The following JAK1 variants were observed in gnomAD, a reference collection of about 807,000 sequenced individuals.
JAK1 encodes the protein tyrosine-protein kinase JAK1.
In JAK1, 16 loss-of-function variants were observed where a neutral mutation model predicts 136.6. The ratio of observed to expected loss-of-function variants is 0.12; its 90% confidence interval spans 0.08 to 0.18. The LOEUF is 0.18. Ranked by LOEUF, JAK1 falls within the 10% of genes least tolerant of loss-of-function variation. The pLI is 1.00. For missense variants in JAK1, 859 were observed against 1,450.1 expected, an observed-to-expected ratio of 0.59 and a Z score of 6.62; for synonymous variants, 492 against 519.5, an observed-to-expected ratio of 0.95 and a Z score of 0.72.
At position 64,854,376 on chromosome 1, in the gene JAK1, T is replaced by C. The variant is rs999671490; in HGVS notation, c.1648+1133A>G. Reference sequence around the variant, plus strand: ...TGCTGCTCCTTCTTTGAGGCCTTCCTCCTTCTAAGGGAAGAACCTGACGCA... The same window carrying C: ...TGCTGCTCCTTCTTTGAGGCCTTCCCCCTTCTAAGGGAAGAACCTGACGCA... On this transcript the variant is annotated intron_variant, in intron 11 of 24. Coordinates refer to ENST00000342505, the MANE Select transcript of JAK1 (RefSeq NM_002227.4). Among the ~76,000 whole-genome samples, 8 of 152,160 alleles carry C rather than the reference T, an allele frequency of 5.3e-5. No individual in the cohort carries two copies. In the East Asian group the frequency reaches 5.8e-4, roughly 11 times the overall value.
intron 7 of JAK1, among the ~76,000 whole-genome samples, chr1:64,865,535 G>A (rs761880878): frequency 4.6e-5 from 7 of 152,142 alleles, no homozygotes; most frequent in Non-Finnish European, 1.0e-4. Flanking sequence ...AGAGATCTAG[G>A]TTAAGTTCCT....
chr1:65,008,341 T>C (rs1646820506), intron 2 of JAK1, among the ~76,000 whole-genome samples: 1 of 152,252 alleles, frequency 6.6e-6, no homozygotes, highest in Non-Finnish European at 1.5e-5. Flanking sequence ...ATGGAATTTA[T>C]GCAAAAGTAC....
At chr1:64,891,211 C>T (rs369584776) in intron 1 of JAK1, among the ~76,000 whole-genome samples, 1 of 152,044 alleles carries the variant, frequency 6.6e-6, no homozygotes, top group Non-Finnish European at 1.5e-5. Flanking sequence ...GCACTTAATT[C>T]TCATAAAAAG....
intron 1 of JAK1, among the ~76,000 whole-genome samples, chr1:65,051,995 A>T (rs1647297997): frequency 1.3e-5 from 2 of 152,070 alleles, no homozygotes; most frequent in South Asian, 4.1e-4. Flanking sequence ...TCTGGCTGTT[A>T]CCCAGGCTGG....
At position 64,864,986 on chromosome 1, in the gene JAK1, T is replaced by C; in HGVS notation, c.991-14A>G. On this transcript the variant is annotated splice_polypyrimidine_tract_variant and intron_variant, in intron 7 of 24. Coordinates refer to ENST00000342505, the MANE Select transcript of JAK1 (RefSeq NM_002227.4). ...AACAGAAACAACCTGATAAGATACA[T>C]AAAAGGGACAGGGTTAAGTTGCTTT... The C allele has an allele frequency of 6.2e-7, 1 of 1,601,206 alleles. No homozygotes were observed. Among genetic ancestry groups the C allele is most frequent in the Non-Finnish European group, 8.5e-7 (1 of 1,170,954 alleles).
At chr1:65,039,600 C>T (rs1647111192) in intron 2 of JAK1, among the ~76,000 whole-genome samples, 1 of 152,282 alleles carries the variant, frequency 6.6e-6, no homozygotes, top group Admixed American at 6.5e-5. Context: ...TCTACTATGG[C>T]TTCTCTCAAA....
chr1:64,852,068 C>T (rs1017042920), intron 11 of JAK1, among the ~76,000 whole-genome samples: 14 of 152,238 alleles, frequency 9.2e-5, no homozygotes, highest in Non-Finnish European at 1.9e-4. Flanking sequence ...CTAATCCCTG[C>T]TATCCCTCAG....
chr1:64,912,919 C>T (rs1645309147), intron 1 of JAK1, among the ~76,000 whole-genome samples: 2 of 152,156 alleles, frequency 1.3e-5, no homozygotes, highest in South Asian at 2.1e-4. Context: ...CAACCTCATA[C>T]CCCAAATATT....
chr1:65,007,823 G>A (rs1305673361), intron 2 of JAK1, among the ~76,000 whole-genome samples: 1 of 151,450 alleles, frequency 6.6e-6, no homozygotes, highest in Non-Finnish European at 1.5e-5. Context: ...TTGGCTCACT[G>A]CAACCTCCAC....
At chr1:65,060,264 T>C (rs565305631) in intron 1 of JAK1, among the ~76,000 whole-genome samples, 1 of 152,292 alleles carries the variant, frequency 6.6e-6, no homozygotes, top group Non-Finnish European at 1.5e-5. Context: ...AAATTTTAGA[T>C]AGCTGTTCCA....
chr1:65,007,331 A>T (rs530891), intron 2 of JAK1, among the ~76,000 whole-genome samples: 2 of 152,132 alleles, frequency 1.3e-5, no homozygotes, highest in Non-Finnish European at 2.9e-5. Context: ...TTGTCAGGCA[A>T]CTTTGGCTGT....
intron 2 of JAK1, 74 bp from the exon 3 acceptor site, chr1:64,883,549 T>C: frequency 7.6e-7 from 1 of 1,323,704 alleles, no homozygotes; most frequent in Non-Finnish European, 1.1e-6. Flanking sequence ...GGGAGTGTTC[T>C]GAAGGTAAAA....
intron 22 of JAK1, among the ~76,000 whole-genome samples, chr1:64,836,675 A>C (rs1654499363): frequency 6.6e-6 from 1 of 151,924 alleles, no homozygotes; most frequent in African/African-American, 2.4e-5. Context: ...CACCGCACCC[A>C]ATCTCCTTAT....
intron 2 of JAK1, among the ~76,000 whole-genome samples, chr1:64,977,380 G>C (rs1481064184): frequency 6.6e-6 from 1 of 151,744 alleles, no homozygotes; most frequent in Non-Finnish European, 1.5e-5. Context: ...TCGAACCCCT[G>C]GGCTCAAGCA....
chr1:64,869,541 C>A, intron 5 of JAK1, 67 bp from the exon 6 acceptor site: 1 of 1,302,300 alleles, frequency 7.7e-7, no homozygotes, highest in South Asian at 1.3e-5. Flanking sequence ...GGCTACTACA[C>A]AGGGAGGGGC....
At chr1:64,853,870 G>A (rs1462210772) in intron 11 of JAK1, among the ~76,000 whole-genome samples, 2 of 152,270 alleles carry the variant, frequency 1.3e-5, no homozygotes, top group East Asian at 3.9e-4. Context: ...CCTGTCTTAA[G>A]AGTTCACAGT....
Position 64,886,332 on chromosome 1 carries a change from C to A in JAK1, c.-68G>T. 1 of 1,541,428 alleles carries A rather than the reference C, an allele frequency of 6.5e-7. No individual in the cohort carries two copies. Among genetic ancestry groups the A allele is most frequent in the Non-Finnish European group, 8.7e-7 (1 of 1,149,574 alleles). ...TCTTCTCTACTTTCCAAAGCTACTT[C>A]AGAGAAGCGCTAAAGACAAAAATAA... On this transcript the variant is annotated 5_prime_UTR_variant, in exon 2 of 25. Coordinates refer to ENST00000342505, the MANE Select transcript of JAK1 (RefSeq NM_002227.4).
intron 9 of JAK1, 70 bp downstream of exon 9, chr1:64,860,035 T>C (rs550909286): frequency 7.6e-7 from 1 of 1,308,180 alleles, no homozygotes; most frequent in South Asian, 1.9e-5. Flanking sequence ...TAAACAATGA[T>C]GACATGCCCC....
chr1:64,909,744 A>T (rs1486304877), intron 1 of JAK1, among the ~76,000 whole-genome samples: 1 of 152,004 alleles, frequency 6.6e-6, no homozygotes, highest in Admixed American at 6.6e-5. Context: ...GGATCACCTG[A>T]GCCTGGGAGG....
Sources: allele counts gnomAD v4.1 joint callset (sites outside exome capture counted in the v4.1 genomes callset), GRCh38; gene constraint gnomAD v4.1.1; transcripts MANE v1.5; gene names NCBI Gene and HGNC (gene_info 2026-07-23, HGNC 2026-07-21).